Variants in ARHGAP18 observed in about 807,000 individuals in gnomAD.
ARHGAP18 encodes the protein Rho GTPase activating protein 18.
In ARHGAP18, 67 loss-of-function variants were observed where a neutral mutation model predicts 86.2. The ratio of observed to expected loss-of-function variants is 0.78; its 90% CI spans 0.64 to 0.95. The LOEUF is 0.95. Ranked by LOEUF, ARHGAP18 falls within the 40% of genes least tolerant of loss-of-function variation. The probability of loss-of-function intolerance (pLI) is 0.00; values close to 1 mark genes in which losing one functional copy is unlikely to be tolerated. For missense variants in ARHGAP18, 691 were observed against 780.4 expected, an observed-to-expected ratio of 0.89 and a Z score of 1.37; for synonymous variants, 283 against 280.4, an observed-to-expected ratio of 1.01 and a Z score of -0.09.
intron 7 of ARHGAP18, among the ~76,000 whole-genome samples, chr6:129,615,559 G>C (rs1407486662): frequency 1.3e-5 from 2 of 152,166 alleles, no homozygotes; most frequent in Non-Finnish European, 2.9e-5. Context: ...GATATGCCTG[G>C]GCTGCTGCAA....
chr6:129,598,174 T>C (rs1310058250), intron 12 of ARHGAP18, among the ~76,000 whole-genome samples: 1 of 152,122 alleles, frequency 6.6e-6, no homozygotes, highest in African/African-American at 2.4e-5. Flanking sequence ...AAAAAAAGGC[T>C]TTCTAAAAGC....
At chr6:129,699,581 G>A (rs184296644) in intron 1 of ARHGAP18, among the ~76,000 whole-genome samples, 3 of 152,244 alleles carry the variant, frequency 2.0e-5, no homozygotes, top group Admixed American at 2.0e-4. Flanking sequence ...TAAGTTTTCT[G>A]GCTAGTAAAA....
At chr6:129,652,218 CATT>C (rs1214870080) in intron 1 of ARHGAP18, among the ~76,000 whole-genome samples, 4 of 152,200 alleles carry the variant, frequency 2.6e-5, no homozygotes, top group South Asian at 4.1e-4. Context: ...CCTCGCAGTC[CATT>C]ATTAAAGTTG....
At chr6:129,665,766 T>C (rs1774024669) in intron 1 of ARHGAP18, among the ~76,000 whole-genome samples, 1 of 152,158 alleles carries the variant, frequency 6.6e-6, no homozygotes, top group Non-Finnish European at 1.5e-5. Flanking sequence ...TGCATGACCT[T>C]GATTAAATTG....
At chr6:129,578,670 G>C in intron 14 of ARHGAP18, 66 bp from the exon 15 acceptor site, 1 of 1,326,602 alleles carries the variant, frequency 7.5e-7, no homozygotes, top group Middle Eastern at 1.9e-4. Context: ...TTAAACTTAA[G>C]CTTAATTATT....
Position 129,584,121 on chromosome 6 carries a change from C to G in ARHGAP18, c.1714-9G>C. ...CCCTGAGGAACGTCAGCCTGCAAAG[C>G]AATAATGACACTGGAACAAAGCTGG... On this transcript the variant is annotated splice_polypyrimidine_tract_variant and intron_variant, in intron 12 of 14. Transcript: ENST00000368149. The G allele has an allele frequency of 6.2e-7, 1 of 1,613,266 alleles. No individual in the cohort carries two copies. The highest frequency in any genetic ancestry group is 1.1e-5 in the South Asian group (1 of 91,050).
chr6:129,607,952 C>G lies in ARHGAP18; in HGVS notation c.1223G>C (p.Arg408Pro), dbSNP rs200791539. Residue 408 changes from arginine (R) to proline (P), a missense_variant, in exon 9 of 15, where the codon CGG (arginine) becomes CCG (proline). Transcript: ENST00000368149. ...ACTGAGCAGTGGCTGGGGCAACTCC[C>G]GAATGAAGAGCTTCAGCAGGCTGGC... Reference protein sequence around the residue: ...DAASLLKLFIRELPQPLLSVE... With the variant: ...DAASLLKLFIPELPQPLLSVE... The G allele has an allele frequency of 6.2e-7, 1 of 1,613,134 alleles. No individual in the cohort carries two copies. The highest frequency in any genetic ancestry group is 8.5e-7 in the Non-Finnish European group (1 of 1,179,638).
intron 7 of ARHGAP18, among the ~76,000 whole-genome samples, chr6:129,615,905 C>T (rs1156822036): frequency 6.6e-6 from 1 of 151,974 alleles, no homozygotes; most frequent in African/African-American, 2.4e-5. Flanking sequence ...GATGCAATTC[C>T]CTAGAAATTT....
At chr6:129,616,095 A>G (rs1789091406) in intron 7 of ARHGAP18, 117 bp downstream of exon 7, 3 of 763,524 alleles carry the variant, frequency 3.9e-6, no homozygotes, top group African/African-American at 1.8e-5. Flanking sequence ...ATAGAAAATC[A>G]AAGTACAAAA....
intron 5 of ARHGAP18, among the ~76,000 whole-genome samples, chr6:129,622,799 G>A (rs757287243): frequency 7.2e-5 from 11 of 151,936 alleles, no homozygotes; most frequent in Non-Finnish European, 5.9e-5. Context: ...TCAGGAGTTC[G>A]AGACCAGCCT....
chr6:129,685,725 T>C (rs6569621), intron 1 of ARHGAP18, among the ~76,000 whole-genome samples: 2 of 151,726 alleles, frequency 1.3e-5, no homozygotes, highest in African/African-American at 2.4e-5. Flanking sequence ...TGATAGTTTT[T>C]TCCATATTCA....
intron 9 of ARHGAP18, 74 bp downstream of exon 9, chr6:129,607,819 T>A (rs1240537936): frequency 2.1e-6 from 3 of 1,434,852 alleles, no homozygotes; most frequent in African/African-American, 1.5e-5. Flanking sequence ...TTCTTTGTGA[T>A]GCCAAATGTC....
intron 7 of ARHGAP18, among the ~76,000 whole-genome samples, chr6:129,614,748 ATTTTT>A: frequency 7.6e-6 from 1 of 131,562 alleles, no homozygotes; most frequent in African/African-American, 2.8e-5. Flanking sequence ...GCAGTGACAG[ATTTTT>A]TTTTTTTTTT....
chr6:129,649,935 G>A (rs1390537536), intron 1 of ARHGAP18, among the ~76,000 whole-genome samples: 3 of 136,470 alleles, frequency 2.2e-5, no homozygotes, highest in South Asian at 2.3e-4. Flanking sequence ...TTTTGGAGAC[G>A]GAGTTCCACT....
intron 4 of ARHGAP18, among the ~76,000 whole-genome samples, chr6:129,630,527 CTAAAGT>C (rs1773177869): frequency 1.3e-5 from 2 of 152,098 alleles, no homozygotes; most frequent in Non-Finnish European, 2.9e-5. Context: ...GTGATGGAAG[CTAAAGT>C]TAATTTAAAA....
chr6:129,613,107 C>T (rs1171195956), intron 7 of ARHGAP18, among the ~76,000 whole-genome samples: 2 of 151,900 alleles, frequency 1.3e-5, no homozygotes, highest in Non-Finnish European at 2.9e-5. Context: ...GTGGCAGGTG[C>T]CTGTGATCCC....
At chr6:129,656,364 C>A (rs545859682) in intron 1 of ARHGAP18, among the ~76,000 whole-genome samples, 24 of 152,354 alleles carry the variant, frequency 1.6e-4, no homozygotes, top group African/African-American at 5.8e-4. Flanking sequence ...GCACAGTAGG[C>A]CAGGTGCGGT....
chr6:129,667,386 C>T (rs1774059816), intron 1 of ARHGAP18, among the ~76,000 whole-genome samples: 1 of 151,512 alleles, frequency 6.6e-6, no homozygotes, highest in Non-Finnish European at 1.5e-5. Flanking sequence ...ATGCTTTCTG[C>T]ACAAAGCATT....
intron 14 of ARHGAP18, among the ~76,000 whole-genome samples, chr6:129,578,987 T>C (rs1788234777): frequency 6.8e-6 from 1 of 146,524 alleles, no homozygotes; most frequent in Non-Finnish European, 1.5e-5. Context: ...ATAATAATAA[T>C]AAAAAAAAAA....
Sources: gnomAD v4.1 joint callset for allele counts (sites outside exome capture counted in the v4.1 genomes callset) on GRCh38, gnomAD v4.1.1 for gene constraint, MANE v1.5 for transcripts, NCBI Gene and HGNC (gene_info 2026-07-23, HGNC 2026-07-21) for gene names.